TMCC3: variants seen among roughly 807,000 people sequenced by gnomAD.
TMCC3 encodes transmembrane and coiled-coil domain protein 3.
TMCC3 carries 28 observed loss-of-function variants against 40.2 expected under a neutral mutation model. That is an observed-to-expected ratio of 0.70 (90% CI 0.52 to 0.95). The LOEUF (loss-of-function observed/expected upper bound fraction) is 0.95. Ranked by LOEUF, TMCC3 falls within the 40% of genes least tolerant of loss-of-function variation. The probability of loss-of-function intolerance (pLI) is 0.00; values close to 1 mark genes in which losing one functional copy is unlikely to be tolerated. For synonymous variants in TMCC3, 255 were observed against 248.5 expected, an observed-to-expected ratio of 1.03 and a Z score of -0.25; for missense variants, 554 against 615.2, an observed-to-expected ratio of 0.90 and a Z score of 1.05.
chr12:94,615,361 C>G (rs757047631), intron 1 of TMCC3, among the ~76,000 whole-genome samples: 9 of 152,180 alleles, frequency 5.9e-5, no homozygotes, highest in Non-Finnish European at 1.2e-4. Flanking sequence ...CTCCATTTCC[C>G]CCATGGCTGC....
rs141537270 is a variant in TMCC3 at position 94,645,597 on chromosome 12, C to T, written c.78+4756G>A. On this transcript the variant is annotated intron_variant, in intron 1 of 3. Transcript: ENST00000261226. ...GGATTACAGGCACCTGCCACCATGC[C>T]GAGCTAATTTTTTTGTATTTTTAGT... is the stretch of plus-strand genomic sequence containing the variant. Among the ~76,000 whole-genome samples the T allele has an allele frequency of 4.5e-3, 684 of 152,164 alleles. 4 individuals carry two copies. The highest frequency in any genetic ancestry group is 0.016 in the African/African-American group (646 of 41,504).
intron 1 of TMCC3, among the ~76,000 whole-genome samples, chr12:94,590,306 A>G (rs1276715870): frequency 1.1e-5 from 1 of 95,152 alleles, no homozygotes; most frequent in African/African-American, 4.4e-5. Flanking sequence ...GGGTTTTACT[A>G]TGTTGGCCAG....
intron 1 of TMCC3, among the ~76,000 whole-genome samples, chr12:94,591,300 T>C (rs997918046): frequency 2.6e-5 from 4 of 152,216 alleles, no homozygotes; most frequent in African/African-American, 9.6e-5. Flanking sequence ...TTAAGCTAAA[T>C]GGCATTTTAA....
chr12:94,591,021 T>C, intron 1 of TMCC3: 1 of 551,748 alleles, frequency 1.8e-6, no homozygotes, highest in African/African-American at 1.9e-5. Context: ...TAGAAATTGA[T>C]GAAGAAACAT....
At chr12:94,607,280 G>T (rs1041054146) in intron 1 of TMCC3, among the ~76,000 whole-genome samples, 1 of 140,546 alleles carries the variant, frequency 7.1e-6, no homozygotes, top group Non-Finnish European at 1.5e-5. Flanking sequence ...ATTTCATATT[G>T]TTCAAACACA....
rs544485871 is a variant in TMCC3, at chr12:94,627,005, T to A, written c.78+23348A>T. ...CCTCCTGAGTAGCTGGGACTAAAGG[T>A]GTGCACTACCACACCAGGCTAATTT... is the stretch of plus-strand genomic sequence containing the variant. On this transcript the variant is annotated intron_variant, in intron 1 of 3. Transcript: ENST00000261226. Among the ~76,000 whole-genome samples the A allele has an allele frequency of 2.0e-5, 3 of 151,986 alleles. No individual in the cohort carries two copies. In the South Asian group the frequency reaches 6.2e-4, roughly 32 times the overall value.
At chr12:94,647,111 A>G (rs2069023883) in intron 1 of TMCC3, among the ~76,000 whole-genome samples, 1 of 152,374 alleles carries the variant, frequency 6.6e-6, no homozygotes, top group South Asian at 2.1e-4. Context: ...ATGAAAAAAA[A>G]GTAGGAGTCT....
At chr12:94,633,995 G>T (rs974752518) in intron 1 of TMCC3, among the ~76,000 whole-genome samples, 1 of 151,116 alleles carries the variant, frequency 6.6e-6, no homozygotes, top group Admixed American at 6.6e-5. Flanking sequence ...GCCCAGGCTG[G>T]AGTACAATGG....
Position 94,641,465 on chromosome 12 carries a change from G to A in TMCC3, c.78+8888C>T, listed in dbSNP as rs994543440. On this transcript the variant is annotated intron_variant, in intron 1 of 3. Transcript: ENST00000261226. ...CTGGGCTCTCAAATTGGCGTGTAAG[G>A]CAGAAGTCACACGGGCTTTTTCTAG... 4.6e-5 allele frequency among the ~76,000 whole-genome samples: 7 copies of A among 152,126 alleles called. No homozygotes were observed. The South Asian group carries it at 1.2e-3, about 27-fold the overall frequency.
intron 1 of TMCC3, among the ~76,000 whole-genome samples, chr12:94,592,676 A>AGAAAAAAAAAAAAAAAAAAAAAAAAAAAC: frequency 6.8e-6 from 1 of 147,892 alleles, no homozygotes; most frequent in Non-Finnish European, 1.5e-5. Flanking sequence ...AAAAAAAAAA[A>AGAAAAAAAAAAAAAAAAAAAAAAAAAAAC]AAAAAAATTC....
At position 94,570,105 on chromosome 12, in the gene TMCC3, A is replaced by G. The variant is rs1053240604; in HGVS notation, c.*1330T>C. The G allele has an allele frequency of 2.6e-5, 4 of 152,172 alleles. No individual in the cohort carries two copies. Among genetic ancestry groups the G allele is most frequent in the Admixed American group, 2.6e-4 (4 of 15,284 alleles). 9.4% of individuals were successfully genotyped at this position (152,172 alleles called of 1,614,324 possible). On this transcript the variant is annotated 3_prime_UTR_variant, in exon 4 of 4. Transcript: ENST00000261226. ...AGGACTTATGTTCAGTGAGATGTTA[A>G]GAGACAGGTGGCAACCTTGGCTCAA...
At chr12:94,617,369 G>A (rs1465634547) in intron 1 of TMCC3, among the ~76,000 whole-genome samples, 2 of 152,122 alleles carry the variant, frequency 1.3e-5, no homozygotes, top group African/African-American at 2.4e-5. Context: ...GCAGCTATAC[G>A]ACCTGGGGCA....
chr12:94,630,590 G>A (rs945201668), intron 1 of TMCC3, among the ~76,000 whole-genome samples: 1 of 152,136 alleles, frequency 6.6e-6, no homozygotes, highest in African/African-American at 2.4e-5. Flanking sequence ...TTTAACCCAG[G>A]TGGAGCCTTG....
intron 1 of TMCC3, among the ~76,000 whole-genome samples, chr12:94,627,768 C>T (rs929116070): frequency 6.6e-6 from 1 of 152,218 alleles, no homozygotes; most frequent in African/African-American, 2.4e-5. Context: ...TCTACCTCCA[C>T]CTTGGGCCTC....
intron 1 of TMCC3, among the ~76,000 whole-genome samples, chr12:94,586,953 T>G (rs1270790952): frequency 5.3e-5 from 8 of 152,258 alleles, no homozygotes; most frequent in African/African-American, 9.6e-5. Flanking sequence ...GAACTATTAC[T>G]GGGCTGCTCC....
At chr12:94,616,149 A>G (rs1047102078) in intron 1 of TMCC3, 9 of 951,998 alleles carry the variant, frequency 9.5e-6, no homozygotes, top group Non-Finnish European at 1.1e-5. Flanking sequence ...AAATGTCAGT[A>G]ATAATGCACC....
intron 1 of TMCC3, among the ~76,000 whole-genome samples, chr12:94,597,351 C>T (rs143540070): frequency 1.2e-4 from 18 of 151,666 alleles, no homozygotes; most frequent in African/African-American, 4.1e-4. Flanking sequence ...AGATCTCCCA[C>T]GTACAGAATA....
intron 1 of TMCC3, among the ~76,000 whole-genome samples, chr12:94,618,058 A>T (rs2068856732): frequency 1.3e-5 from 2 of 152,376 alleles, no homozygotes; most frequent in South Asian, 4.1e-4. Context: ...TTTCTTTGCT[A>T]GGTCATTTTG....
intron 1 of TMCC3, among the ~76,000 whole-genome samples, chr12:94,611,317 T>G (rs1325152659): frequency 6.6e-6 from 1 of 152,188 alleles, no homozygotes; most frequent in African/African-American, 2.4e-5. Context: ...ATATAAGTTT[T>G]CAAGTAAAAG....
Sources: allele counts gnomAD v4.1 joint callset (sites outside exome capture counted in the v4.1 genomes callset), GRCh38; gene constraint gnomAD v4.1.1; transcripts MANE v1.5; gene names NCBI Gene and HGNC (gene_info 2026-07-23, HGNC 2026-07-21).